Variants in APC observed in about 807,000 individuals in gnomAD.
The protein encoded by APC is adenomatous polyposis coli protein.
In APC, 72 loss-of-function variants were observed where a neutral mutation model predicts 247.0. The ratio of observed to expected loss-of-function variants is 0.29; its 90% CI spans 0.24 to 0.35. The LOEUF (loss-of-function observed/expected upper bound fraction) is 0.35. Ranked by LOEUF, APC falls within the 10% of genes least tolerant of loss-of-function variation. The pLI, the probability that APC is intolerant of heterozygous loss-of-function variation, is 1.00. For synonymous variants in APC, 1,254 were observed against 1,162.5 expected (o/e 1.08, Z -1.60); for missense variants, 3,400 against 3,360.7 (o/e 1.01, Z -0.29).
chr5:112,805,823 C>T (rs1041192698), intron 8 of APC, among the ~76,000 whole-genome samples: 1 of 152,216 alleles, frequency 6.6e-6, no homozygotes, highest in African/African-American at 2.4e-5. Context: ...ATTCTCTTCA[C>T]CACCACGTGG....
chr5:112,843,254 C>G lies in APC; in HGVS notation c.7660C>G (p.His2554Asp), dbSNP rs1213302882. 6.2e-7 allele frequency: 1 copy of G among 1,613,632 alleles called. No homozygotes were observed. The highest frequency in any genetic ancestry group is 8.5e-7 in the Non-Finnish European group (1 of 1,179,676). ...SGTWKREHSK[H>D]SSSLPRVSTW... is the part of the protein sequence containing the mutation. Reference sequence around the variant, plus strand: ...AACCTGGAAACGTGAGCACAGCAAACATTCATCATCCCTTCCTCGAGTAAG... The same window carrying G: ...AACCTGGAAACGTGAGCACAGCAAAGATTCATCATCCCTTCCTCGAGTAAG... Residue 2554 changes from histidine to aspartate, a missense_variant, in exon 16 of 16, where the codon CAT becomes GAT. Coordinates refer to ENST00000257430, the MANE Select transcript of APC (RefSeq NM_000038.6). The surrounding 1 kb of genome is among the most constrained non-coding windows in gnomAD (Gnocchi z 4.8).
At chr5:112,738,442 GAGAA>G (rs1752588110) in intron 1 of APC, 1 of 985,788 alleles carries the variant, frequency 1.0e-6, no homozygotes, top group African/African-American at 1.7e-5. Context: ...CTGGGGATGA[GAGAA>G]AGAGGAGGAG....
At position 112,707,631 on chromosome 5, in the gene APC, G is replaced by A. The variant is rs1750590545; in HGVS notation, c.-87G>A. ...GGCCCGGGAGCTGCGGACCGAGGTT[G>A]GCTCGATGCTGTTCCCAGGTACTGT... On this transcript the variant is annotated 5_prime_UTR_variant, in exon 1 of 14. Transcript: ENST00000507379. 7.6e-7 allele frequency: 1 copy of A among 1,323,152 alleles called. No homozygotes were observed. Among genetic ancestry groups the A allele is most frequent in the Non-Finnish European group, 1.0e-6 (1 of 998,372 alleles). The allele number at this position is 1,323,152 out of a possible 1,614,324, so 82.0% of individuals were successfully genotyped here.
chr5:112,745,318 T>G (rs1314779371), intron 1 of APC, among the ~76,000 whole-genome samples: 5 of 151,980 alleles, frequency 3.3e-5, no homozygotes, highest in African/African-American at 4.8e-5. Context: ...CTTATATACC[T>G]AACAATTGAG....
At chr5:112,733,149 GT>G (rs1752181325), upstream of APC, among the ~76,000 whole-genome samples, 1 of 152,192 alleles carries the variant, frequency 6.6e-6, no homozygotes, top group Non-Finnish European at 1.5e-5. Context: ...GAAACTATAA[GT>G]TTTAGAAAGG....
At chr5:112,719,378 C>T (rs1320242759) in intron 1 of APC, among the ~76,000 whole-genome samples, 6 of 151,506 alleles carry the variant, frequency 4.0e-5, no homozygotes, top group African/African-American at 1.2e-4. Flanking sequence ...CCACCACGCC[C>T]GGCTAATTTT....
At position 112,794,291 on chromosome 5, in the gene APC, G is replaced by A. The variant is rs554229313; in HGVS notation, c.729+1762G>A. Among the ~76,000 whole-genome samples, 5 of 152,210 alleles carry A rather than the reference G, an allele frequency of 3.3e-5. No individual in the cohort carries two copies. The South Asian group carries it at 8.3e-4, about 25-fold the overall frequency. On this transcript the variant is annotated intron_variant, in intron 7 of 15. Coordinates refer to ENST00000257430, the MANE Select transcript of APC (RefSeq NM_000038.6). ...AGACGAGGTTTTGCCATGTTGCCCA[G>A]GCTGGTCTCGAACTCCTGAGCTCAA... is the stretch of plus-strand genomic sequence containing the variant.
chr5:112,824,876 A>G (rs1051450773), intron 11 of APC, among the ~76,000 whole-genome samples: 1 of 152,056 alleles, frequency 6.6e-6, no homozygotes, highest in Non-Finnish European at 1.5e-5. Flanking sequence ...GCTCTGCCCT[A>G]GGCTCTTTTC....
chr5:112,828,822 T>C, intron 13 of APC, 34 bp from the exon 14 acceptor site: 1 of 1,439,558 alleles, frequency 6.9e-7, no homozygotes, highest in Non-Finnish European at 9.8e-7. Flanking sequence ...TATGATTTTA[T>C]GTATAAATTA....
At chr5:112,811,075 C>G (rs1016827061) in intron 8 of APC, among the ~76,000 whole-genome samples, 2 of 151,964 alleles carry the variant, frequency 1.3e-5, no homozygotes, top group Non-Finnish European at 2.9e-5. Context: ...AGTTGAAGAC[C>G]AGGAAATAAA....
At chr5:112,835,754 G>A (rs1339493087) in intron 15 of APC, among the ~76,000 whole-genome samples, 1 of 151,452 alleles carries the variant, frequency 6.6e-6, no homozygotes, top group Non-Finnish European at 1.5e-5. Context: ...TCTATTTTTT[G>A]GTAGAGATGG....
intron 1 of APC, among the ~76,000 whole-genome samples, chr5:112,746,476 T>C (rs2455294): frequency 0.066 from 9,969 of 152,152 alleles, 404 homozygotes; most frequent in Middle Eastern, 0.14. Context: ...AAGTGAAATA[T>C]GGAAAAATCA....
intron 14 of APC, among the ~76,000 whole-genome samples, chr5:112,831,097 C>G (rs1668186645): frequency 6.6e-6 from 1 of 151,936 alleles, no homozygotes; most frequent in Non-Finnish European, 1.5e-5. Flanking sequence ...TCTCAAGGAC[C>G]TAAACTCTTC....
chr5:112,749,467 C>G (rs555606596), intron 1 of APC, among the ~76,000 whole-genome samples: 1 of 146,624 alleles, frequency 6.8e-6, no homozygotes, highest in African/African-American at 2.5e-5. Context: ...GATATTAATA[C>G]TTACTGCTCC....
rs938807956 is a variant in APC, at chr5:112,844,412, T to C, written c.*286T>C. 2 of 367,956 alleles carry C rather than the reference T, an allele frequency of 5.4e-6. No homozygotes were observed. The highest frequency in any genetic ancestry group is 4.4e-5 in the East Asian group (1 of 22,568). The allele number at this position is 367,956 out of a possible 1,614,324, so 22.8% of individuals were successfully genotyped here. A position where few individuals can be genotyped will look rare whatever the true frequency, so the allele number is the denominator to read the frequency against. On this transcript the variant is annotated 3_prime_UTR_variant, in exon 16 of 16. Transcript: ENST00000257430. ...AGCATCCCATCCCAACTTCCTTTAA[T>C]TATTGCTTGTCTTAAAATAATGAAC...
At position 112,838,027 on chromosome 5, in the gene APC, A is replaced by G. The variant is rs768177978; in HGVS notation, c.2433A>G (p.Ser811=). 18 of 1,614,104 alleles carry G rather than the reference A, an allele frequency of 1.1e-5. No individual in the cohort carries two copies. The highest frequency in any genetic ancestry group is 1.6e-4 in the Middle Eastern group (1 of 6,084). Residue 811 remains serine (S), a synonymous_variant, in exon 16 of 16, where the codon TCA becomes TCG. Coordinates refer to ENST00000257430, the MANE Select transcript of APC (RefSeq NM_000038.6). ...FDTNRHDDNR[S]DNFNTGNMTV... ...CCAATCGACATGATGATAATAGGTC[A>G]GACAATTTTAATACTGGCAACATGA...
intron 2 of APC, among the ~76,000 whole-genome samples, chr5:112,762,084 C>G (rs903465401): frequency 6.6e-6 from 1 of 151,958 alleles, no homozygotes; most frequent in African/African-American, 2.4e-5. Context: ...AAAATGTGAC[C>G]CAGGGACTTG....
At chr5:112,720,997 C>T (rs527922680) in intron 1 of APC, among the ~76,000 whole-genome samples, 2 of 152,092 alleles carry the variant, frequency 1.3e-5, no homozygotes, top group Admixed American at 1.3e-4. Flanking sequence ...ATGAAAGTAA[C>T]GGATGGTGAA....
At chr5:112,722,522 C>A (rs556485857) in intron 1 of APC, among the ~76,000 whole-genome samples, 1 of 152,102 alleles carries the variant, frequency 6.6e-6, no homozygotes, top group African/African-American at 2.4e-5. Context: ...ACCATCAGAT[C>A]CCACAGGTTG....
Sources: gnomAD v4.1 joint callset for allele counts (sites outside exome capture counted in the v4.1 genomes callset) on GRCh38, gnomAD v4.1.1 for gene constraint, Gnocchi (gnomAD v3.1) non-coding constraint, MANE v1.5 for transcripts, NCBI Gene and HGNC (gene_info 2026-07-23, HGNC 2026-07-21) for gene names.